The following RGS9 variants were observed in gnomAD, a reference collection of about 807,000 sequenced individuals.
The protein encoded by RGS9 is regulator of G protein signaling 9.
In RGS9, 78 loss-of-function variants were observed where a neutral mutation model predicts 102.0. That is an observed-to-expected ratio of 0.76 (90% CI 0.64 to 0.92). The LOEUF (loss-of-function observed/expected upper bound fraction) is 0.92. Ranked by LOEUF, RGS9 falls within the 40% of genes least tolerant of loss-of-function variation. The pLI, the probability that RGS9 is intolerant of heterozygous loss-of-function variation, is 0.00. For missense variants in RGS9, 833 were observed against 866.1 expected, an observed-to-expected ratio of 0.96 and a Z score of 0.48; for synonymous variants, 353 against 318.6, an observed-to-expected ratio of 1.11 and a Z score of -1.15.
At position 65,207,941 on chromosome 17, in the gene RGS9, T is replaced by G; in HGVS notation, c.1223T>G (p.Leu408Ter). 1 of 1,612,924 alleles carries G rather than the reference T, an allele frequency of 6.2e-7. No individual in the cohort carries two copies. The highest frequency in any genetic ancestry group is 1.1e-5 in the South Asian group (1 of 91,052). ...LMKKDSYARY[L>*]KSPIYKDMLA... Reference sequence around the variant, plus strand: ...CACTAGGATTCTTATGCTCGCTATTTAAAATCTCCGATCTATAAGGACATG... The same window carrying G: ...CACTAGGATTCTTATGCTCGCTATTGAAAATCTCCGATCTATAAGGACATG... The change falls in exon 16 of 19, where the codon TTA becomes TGA. Residue 408 changes from leucine (L) to a stop codon, truncating the protein, a stop_gained. Coordinates refer to ENST00000262406, the MANE Select transcript of RGS9 (RefSeq NM_003835.4). LOFTEE classifies it high-confidence loss of function.
intron 1 of RGS9, among the ~76,000 whole-genome samples, chr17:65,146,228 C>A (rs574351263): frequency 4.6e-5 from 7 of 152,158 alleles, no homozygotes; most frequent in Non-Finnish European, 1.0e-4. Context: ...CTAATAAAAA[C>A]CATTTTGAAT....
chr17:65,197,446 G>A (rs533725901), intron 13 of RGS9, among the ~76,000 whole-genome samples: 27 of 152,166 alleles, frequency 1.8e-4, no homozygotes, highest in Admixed American at 4.6e-4. Context: ...AGGCCCCACC[G>A]TCTGGGGGAA....
chr17:65,219,411 G>A (rs950698472), intron 17 of RGS9, among the ~76,000 whole-genome samples: 10 of 152,168 alleles, frequency 6.6e-5, no homozygotes, highest in African/African-American at 1.4e-4. Flanking sequence ...CACAGGGCCC[G>A]TTGAAATCCC....
In RGS9 at chr17:65,225,434, C is replaced by T; in HGVS notation, c.1840C>T (p.Leu614=). The T allele has an allele frequency of 6.2e-7, 1 of 1,608,764 alleles. No homozygotes were observed. The highest frequency in any genetic ancestry group is 8.5e-7 in the Non-Finnish European group (1 of 1,180,018). ...PAVSHGRVQP[L]GDVGQQLPRL... ...TGTGTCCCACGGGAGGGTGCAGCCCCTGGGGGACGTGGGCCAGCAGCTGCC... is the reference window on the plus strand; with the variant it reads ...TGTGTCCCACGGGAGGGTGCAGCCCTTGGGGGACGTGGGCCAGCAGCTGCC... The change falls in exon 18 of 19, where the codon CTG becomes TTG. Residue 614 remains leucine, a synonymous_variant. Transcript: ENST00000262406.
At chr17:65,169,701 C>T (rs962533580) in intron 8 of RGS9, among the ~76,000 whole-genome samples, 2 of 152,160 alleles carry the variant, frequency 1.3e-5, no homozygotes, top group South Asian at 2.1e-4. Flanking sequence ...ATTGATCATC[C>T]GGGTTCTTCT....
Position 65,197,555 on chromosome 17 carries a change from C to T in RGS9, c.976+314C>T, listed in dbSNP as rs141112794. The stretch of plus-strand genomic sequence containing the variant: ...CACTGTCACCCGAGGAGCCCCCGCT[C>T]CTTCTAGTCAGCCTCTAAATATAAT... On this transcript the variant is annotated intron_variant, in intron 13 of 18. Transcript: ENST00000262406. Among the ~76,000 whole-genome samples the T allele has an allele frequency of 4.7e-4, 71 of 152,292 alleles. No individual in the cohort carries two copies. In the East Asian group the frequency reaches 0.013, roughly 28 times the overall value.
chr17:65,154,382 G>C (rs1267400643), intron 2 of RGS9, among the ~76,000 whole-genome samples: 2 of 152,168 alleles, frequency 1.3e-5, no homozygotes, highest in Non-Finnish European at 2.9e-5. Context: ...CTTCCTCTGA[G>C]GAAGGGGTCA....
At chr17:65,221,365 A>C (rs908165382) in intron 17 of RGS9, among the ~76,000 whole-genome samples, 2 of 152,198 alleles carry the variant, frequency 1.3e-5, no homozygotes, top group African/African-American at 4.8e-5. Context: ...TTATCTGTAT[A>C]GTGGGATGAT....
chr17:65,225,435 T>TG lies in RGS9; in HGVS notation c.1846dup (p.Asp616GlyfsTer45), dbSNP rs1199947047. 1 of 1,608,108 alleles carries TG rather than the reference T, an allele frequency of 6.2e-7. No individual in the cohort carries two copies. On this transcript the variant is annotated frameshift_variant, in exon 18 of 19. Coordinates refer to ENST00000262406, the MANE Select transcript of RGS9 (RefSeq NM_003835.4). LOFTEE classifies it high-confidence loss of function. Reference sequence around the variant, plus strand: ...GTGTCCCACGGGAGGGTGCAGCCCCTGGGGGACGTGGGCCAGCAGCTGCCA... The same window carrying TG: ...GTGTCCCACGGGAGGGTGCAGCCCCTGGGGGGACGTGGGCCAGCAGCTGCCA...
At chr17:65,195,240 T>C (rs1323299576) in intron 12 of RGS9, among the ~76,000 whole-genome samples, 1 of 152,100 alleles carries the variant, frequency 6.6e-6, no homozygotes, top group Admixed American at 6.5e-5. Context: ...CTAGGAGGGC[T>C]TGGGGAGGAG....
chr17:65,209,441 G>A (rs1323363577), intron 16 of RGS9, among the ~76,000 whole-genome samples: 1 of 152,186 alleles, frequency 6.6e-6, no homozygotes, highest in Non-Finnish European at 1.5e-5. Context: ...GAAATATGGA[G>A]TATGTTGCAG....
At position 65,184,828 on chromosome 17, in the gene RGS9, T is replaced by C. The variant is rs947909023; in HGVS notation, c.655-4458T>C. Among the ~76,000 whole-genome samples the C allele has an allele frequency of 7.3e-4, 109 of 148,354 alleles. 1 individual carries two copies. Among genetic ancestry groups the C allele is most frequent in the Middle Eastern group, 6.9e-3 (2 of 288 alleles). On this transcript the variant is annotated intron_variant, in intron 9 of 18. Coordinates refer to ENST00000262406, the MANE Select transcript of RGS9 (RefSeq NM_003835.4). ...TCTCTTTCTTTCCTCTCTCTCTCCTTCCTTCCTTCCTTCTTTCCTTCCTTC... is the reference window on the plus strand; with the variant it reads ...TCTCTTTCTTTCCTCTCTCTCTCCTCCCTTCCTTCCTTCTTTCCTTCCTTC...
chr17:65,210,744 T>G (rs1913263275), intron 17 of RGS9, 139 bp downstream of exon 17: 1 of 1,444,534 alleles, frequency 6.9e-7, no homozygotes, highest in Non-Finnish European at 9.3e-7. Context: ...AAGGTTCCAT[T>G]CCCCATTTGT....
Position 65,227,427 on chromosome 17 carries a change from T to TG in RGS9, c.*25dup, listed in dbSNP as rs766340096. On this transcript the variant is annotated 3_prime_UTR_variant, in exon 19 of 19. Coordinates refer to ENST00000262406, the MANE Select transcript of RGS9 (RefSeq NM_003835.4). Reference sequence around the variant, plus strand: ...CTGTAAGGAAAGAGGCAGGCTGAGCTGGGGGCTCTGGACCAGGAAGATGCT... The same window carrying TG: ...CTGTAAGGAAAGAGGCAGGCTGAGCTGGGGGGCTCTGGACCAGGAAGATGCT... 119 of 1,605,716 alleles carry TG rather than the reference T, an allele frequency of 7.4e-5. No homozygotes were observed. Among genetic ancestry groups the TG allele is most frequent in the Non-Finnish European group, 9.8e-5 (115 of 1,175,858 alleles).
intron 7 of RGS9, among the ~76,000 whole-genome samples, chr17:65,164,877 ATACT>A (rs1249093308): frequency 5.3e-5 from 8 of 152,192 alleles, no homozygotes; most frequent in African/African-American, 1.7e-4. Context: ...GTGTGGGGAA[ATACT>A]TACCATAGTA....
chr17:65,227,621 TG>T lies in RGS9; in HGVS notation c.*217del. ...CTCCTCTTCCTGACCCTCCCTCCCC[TG>T]GGCAGAAGAAACGCATGTGGACCAG... is the stretch of plus-strand genomic sequence containing the variant. On this transcript the variant is annotated 3_prime_UTR_variant, in exon 19 of 19. Transcript: ENST00000262406. The T allele has an allele frequency of 1.6e-6, 1 of 622,724 alleles. No individual in the cohort carries two copies. The highest frequency in any genetic ancestry group is 2.8e-5 in the Admixed American group (1 of 36,274). The allele number at this position is 622,724 out of a possible 1,614,324, so 38.6% of individuals were successfully genotyped here.
chr17:65,227,281 C>A lies in RGS9; in HGVS notation c.1899C>A (p.Phe633Leu). 1 of 1,614,118 alleles carries A rather than the reference C, an allele frequency of 6.2e-7. No individual in the cohort carries two copies. The highest frequency in any genetic ancestry group is 8.5e-7 in the Non-Finnish European group (1 of 1,180,012). ...TTTCCTCTTGCACCTGAAGCTTTTTCCAGATCAAAATGGATGTGCCCACGG... is the reference window on the plus strand; with the variant it reads ...TTTCCTCTTGCACCTGAAGCTTTTTACAGATCAAAATGGATGTGCCCACGG... ...RLKSKRVANF[F>L]QIKMDVPTGS... The change falls in exon 19 of 19, where the codon TTC (phenylalanine) becomes TTA (leucine). Residue 633 changes from phenylalanine (F) to leucine (L), a missense_variant. By Grantham distance (22) the Phe-to-Leu change is conservative. Coordinates refer to ENST00000262406, the MANE Select transcript of RGS9 (RefSeq NM_003835.4).
intron 8 of RGS9, among the ~76,000 whole-genome samples, chr17:65,176,640 T>C (rs1281185103): frequency 6.6e-6 from 1 of 152,138 alleles, no homozygotes; most frequent in Non-Finnish European, 1.5e-5. Context: ...TTAGTCTCAG[T>C]GAACTCTTTT....
intron 12 of RGS9, among the ~76,000 whole-genome samples, chr17:65,196,123 G>A (rs1598606628): frequency 6.6e-6 from 1 of 152,372 alleles, no homozygotes; most frequent in East Asian, 1.9e-4. Context: ...TTGACAATGA[G>A]ATGGGATAGT....
Sources: allele counts gnomAD v4.1 joint callset (sites outside exome capture counted in the v4.1 genomes callset), GRCh38; gene constraint gnomAD v4.1.1; transcripts MANE v1.5; gene names NCBI Gene and HGNC (gene_info 2026-07-23, HGNC 2026-07-21).